Variants in HECTD4 observed in about 807,000 individuals in gnomAD.
HECTD4 encodes the protein HECT domain E3 ubiquitin protein ligase 4.
A neutral mutation model predicts 471.5 loss-of-function variants in HECTD4; 114 were observed. The observed-to-expected ratio is 0.24, with a 90% CI of 0.21 to 0.28. HECTD4 has a LOEUF of 0.28. Ranked by LOEUF, HECTD4 falls within the 10% of genes least tolerant of loss-of-function variation. The pLI is 1.00. For synonymous variants in HECTD4, 2,012 were observed against 2,256.0 expected (o/e 0.89, Z 3.07); for missense variants, 3,866 against 5,651.5 (o/e 0.68, Z 10.13).
At chr12:112,187,107 G>A (rs1258287610) in intron 60 of HECTD4, among the ~76,000 whole-genome samples, 1 of 152,028 alleles carries the variant, frequency 6.6e-6, no homozygotes, top group East Asian at 1.9e-4. Context: ...AGCCTCCCGA[G>A]TAGCTTGGAT....
At position 112,237,050 on chromosome 12, in the gene HECTD4, C is replaced by A; in HGVS notation, c.5339G>T (p.Ser1780Ile). The A allele has an allele frequency of 6.2e-7, 1 of 1,602,314 alleles. No individual in the cohort carries two copies. The highest frequency in any genetic ancestry group is 8.5e-7 in the Non-Finnish European group (1 of 1,174,958). The change falls in exon 35 of 76, where the codon AGC (serine) becomes ATC (isoleucine). Residue 1780 changes from serine (S) to isoleucine (I), a missense_variant. Ser to Ile is a moderately radical substitution (Grantham distance 142). Around this residue, in one of 16 missense-constraint regions of HECTD4, gnomAD observed 229 missense variants for 386.4 expected, o/e 0.59. Coordinates refer to ENST00000682272, the MANE Select transcript of HECTD4 (RefSeq NM_001388303.1). ...VHSGLARQVS[S>I]LLTNHLARAT... ...TCGGGCAAGATGGTTAGTGAGAAGGCTGGACACCTGCCGGGCCAGACCTGA... is the reference window on the plus strand; with the variant it reads ...TCGGGCAAGATGGTTAGTGAGAAGGATGGACACCTGCCGGGCCAGACCTGA...
Position 112,382,172 on chromosome 12 carries a change from G to C in HECTD4, c.-44C>G. 8.3e-7 allele frequency: 1 copy of C among 1,210,114 alleles called. No homozygotes were observed. The highest frequency in any genetic ancestry group is 1.0e-6 in the Non-Finnish European group (1 of 973,244). 75.0% of individuals were successfully genotyped at this position (1,210,114 alleles called of 1,614,324 possible). ...GGCGCTGAGGAGCAGACGCCCGGCC[G>C]GGGGAAACGGAGCAGGAGCCGCCGC... On this transcript the variant is annotated 5_prime_UTR_variant, in exon 1 of 76. Transcript: ENST00000682272.
At chr12:112,323,965 T>TCTTCCTTC (rs1248538588) in intron 1 of HECTD4, among the ~76,000 whole-genome samples, 22 of 43,984 alleles carry the variant, frequency 5.0e-4, no homozygotes, top group Non-Finnish European at 6.4e-4. Flanking sequence ...TTTCTTTCTT[T>TCTTCCTTC]CTTCCTTCCT....
chr12:112,324,037 C>CTTT (rs1566112043), intron 1 of HECTD4, among the ~76,000 whole-genome samples: 11 of 20,094 alleles, frequency 5.5e-4, no homozygotes, highest in Non-Finnish European at 8.2e-4. Context: ...TTCCTTCCTT[C>CTTT]CTTCCTTCCT....
rs112099106 is a variant in HECTD4 at position 112,291,833 on chromosome 12, C to T, written c.1336-8531G>A. On this transcript the variant is annotated intron_variant, in intron 7 of 75. Transcript: ENST00000682272. Reference sequence around the variant, plus strand: ...CTTGCAGTGAGCCAAGATTGCGCCACTGCACTCCAGCCTGGGTGACAGAGT... The same window carrying T: ...CTTGCAGTGAGCCAAGATTGCGCCATTGCACTCCAGCCTGGGTGACAGAGT... Among the ~76,000 whole-genome samples, 1,253 of 152,232 alleles carry T rather than the reference C, an allele frequency of 8.2e-3. 22 individuals carry two copies. The highest frequency in any genetic ancestry group is 0.029 in the African/African-American group (1,185 of 41,538).
chr12:112,363,748 A>C (rs1039117448), intron 1 of HECTD4, among the ~76,000 whole-genome samples: 10 of 151,912 alleles, frequency 6.6e-5, no homozygotes, highest in Admixed American at 5.9e-4. Context: ...AGGCCGAGGC[A>C]GGTGGATCAC....
chr12:112,167,089 A>G, intron 72 of HECTD4: 1 of 443,482 alleles, frequency 2.3e-6, no homozygotes, highest in Non-Finnish European at 4.0e-6. Context: ...GGGGAGGGCC[A>G]GCAGGGCTGG....
chr12:112,378,223 CTT>C (rs758665054), intron 1 of HECTD4, among the ~76,000 whole-genome samples: 8 of 151,988 alleles, frequency 5.3e-5, no homozygotes, highest in Non-Finnish European at 8.8e-5. Flanking sequence ...TTCTAAGACT[CTT>C]TTTTTCTTTT....
chr12:112,373,665 G>A (rs2036726239), intron 1 of HECTD4, among the ~76,000 whole-genome samples: 1 of 152,148 alleles, frequency 6.6e-6, no homozygotes, highest in Non-Finnish European at 1.5e-5. Context: ...CTGTTGTCGT[G>A]GGAGTGGTAG....
chr12:112,380,704 T>C (rs149589818), intron 1 of HECTD4, among the ~76,000 whole-genome samples: 47 of 152,202 alleles, frequency 3.1e-4, no homozygotes, highest in African/African-American at 1.1e-3. Flanking sequence ...ATAAGTCAAT[T>C]AAGAGTTCAT....
rs1423139522 is a variant in HECTD4, at chr12:112,247,003, C to G, written c.4411G>C (p.Val1471Leu). Reference sequence around the variant, plus strand: ...TCGGCTCGGTTCATTAAACTCTTCACTAACGTCTTTGTTTTAGCCAGTGGG... The same window carrying G: ...TCGGCTCGGTTCATTAAACTCTTCAGTAACGTCTTTGTTTTAGCCAGTGGG... ...SHPLAKTKTL[V>L]KSLMNRAELL... is the part of the protein sequence containing the mutation. The change falls in exon 29 of 76, where the codon GTG becomes CTG. Residue 1471 changes from valine to leucine, a missense_variant. Val to Leu is a conservative substitution (Grantham distance 32, BLOSUM62 1). Coordinates refer to ENST00000682272, the MANE Select transcript of HECTD4 (RefSeq NM_001388303.1). The G allele has an allele frequency of 6.2e-7, 1 of 1,611,734 alleles. No individual in the cohort carries two copies. The highest frequency in any genetic ancestry group is 8.5e-7 in the Non-Finnish European group (1 of 1,179,734).
Position 112,185,275 on chromosome 12 carries a change from C to T in HECTD4, c.9691G>A (p.Val3231Ile), listed in dbSNP as rs749990874. Residue 3231 changes from valine (V) to isoleucine (I), a missense_variant, in exon 61 of 76, where the codon GTC becomes ATC. Around this residue, in one of 16 missense-constraint regions of HECTD4, gnomAD observed 364 missense variants for 413.2 expected, o/e 0.88. Coordinates refer to ENST00000682272, the MANE Select transcript of HECTD4 (RefSeq NM_001388303.1). ...KLYDEETQNWVSGGACGGSGG... is the reference protein window; with the variant it reads ...KLYDEETQNWISGGACGGSGG... ...GAGCCCCCGCAGGCGCCGCCTGAGA[C>T]CCAGTTCTGCGTCTCCTCGTCGTAC... 10 of 1,551,768 alleles carry T rather than the reference C, an allele frequency of 6.4e-6. No individual in the cohort carries two copies. In the African/African-American group the frequency reaches 8.2e-5, roughly 13 times the overall value.
chr12:112,311,499 C>G (rs2035368912), intron 4 of HECTD4, among the ~76,000 whole-genome samples: 1 of 150,480 alleles, frequency 6.6e-6, no homozygotes, highest in African/African-American at 2.4e-5. Context: ...TAGTGCATGC[C>G]TGTGGTCCCA....
In HECTD4 at chr12:112,216,717, C is replaced by T. The variant is rs997593984; in HGVS notation, c.7385+56G>A. 6.3e-6 allele frequency: 10 copies of T among 1,590,102 alleles called. No homozygotes were observed. In the African/African-American group the frequency reaches 1.1e-4, roughly 17 times the overall value. On this transcript the variant is annotated intron_variant, in intron 47 of 75. Transcript: ENST00000682272. ...TATTTTGACTTCCTGAACACCTATACACACCTTGTGGGAGGCTACTGCTCT... is the reference window on the plus strand; with the variant it reads ...TATTTTGACTTCCTGAACACCTATATACACCTTGTGGGAGGCTACTGCTCT...
At position 112,179,361 on chromosome 12, in the gene HECTD4, G is replaced by A. The variant is rs780943081; in HGVS notation, c.11024C>T (p.Thr3675Met). ...KLVPGAREVL[T>M]EIFKSCAHSE... ...ATGGGCACAACTCTTAAATATCTCC[G>A]TCAGAACCTCTCTGGCTCCGGGCAC... is the stretch of plus-strand genomic sequence containing the variant. Residue 3675 changes from threonine to methionine, a missense_variant, in exon 63 of 76, where the codon ACG becomes ATG. Physicochemically the swap from Thr to Met is moderately conservative, Grantham distance 81 (BLOSUM62 -1). Coordinates refer to ENST00000682272, the MANE Select transcript of HECTD4 (RefSeq NM_001388303.1). The surrounding 1 kb of genome is among the most constrained non-coding windows in gnomAD (Gnocchi z 4.3). The A allele has an allele frequency of 1.7e-5, 28 of 1,612,762 alleles. No homozygotes were observed. Among genetic ancestry groups the A allele is most frequent in the Admixed American group, 3.3e-5 (2 of 59,804 alleles).
chr12:112,368,214 A>C (rs1318905990), intron 1 of HECTD4, among the ~76,000 whole-genome samples: 2 of 152,166 alleles, frequency 1.3e-5, no homozygotes, highest in African/African-American at 4.8e-5. Flanking sequence ...AAATGTGTCC[A>C]CTCCAAAGTG....
chr12:112,361,158 C>T (rs1478592551), intron 1 of HECTD4, among the ~76,000 whole-genome samples: 1 of 152,124 alleles, frequency 6.6e-6, no homozygotes, highest in Non-Finnish European at 1.5e-5. Context: ...GGACCCAATA[C>T]TTGAATTATA....
chr12:112,235,641 T>C lies in HECTD4; in HGVS notation c.5588A>G (p.Glu1863Gly), dbSNP rs985630311. The C allele has an allele frequency of 1.9e-6, 3 of 1,614,018 alleles. No homozygotes were observed. Among genetic ancestry groups the C allele is most frequent in the Admixed American group, 3.3e-5 (2 of 60,024 alleles). ...TGGGAGCTCCACGTTTCCACAGTCTTCTACGCTCATCAGGGGCAGCGCCGC... is the reference window on the plus strand; with the variant it reads ...TGGGAGCTCCACGTTTCCACAGTCTCCTACGCTCATCAGGGGCAGCGCCGC... Reference protein sequence around the residue: ...CRAALPLMSVEDCGNVELPPW... With the variant: ...CRAALPLMSVGDCGNVELPPW... Residue 1863 changes from glutamate (E) to glycine (G), a missense_variant, in exon 36 of 76, where the codon GAA (glutamate) becomes GGA (glycine). Glu to Gly is a moderately conservative substitution (Grantham distance 98). Transcript: ENST00000682272. This position sits in a 1 kb window ranked among gnomAD's most constrained non-coding sequence, Gnocchi z 5.0.
chr12:112,263,720 TATATACACACAC>T (rs1324104216), intron 17 of HECTD4, among the ~76,000 whole-genome samples: 2 of 144,520 alleles, frequency 1.4e-5, no homozygotes, highest in African/African-American at 5.0e-5. Context: ...TATATATATA[TATATACACACAC>T]ACACACACAC....
Sources: gnomAD v4.1 joint callset for allele counts (sites outside exome capture counted in the v4.1 genomes callset) on GRCh38, gnomAD v4.1.1 for gene constraint, gnomAD v4.1.1 regional missense constraint, Gnocchi (gnomAD v3.1) non-coding constraint, MANE v1.5 for transcripts, NCBI Gene and HGNC (gene_info 2026-07-23, HGNC 2026-07-21) for gene names.